The following GABBR2 variants were observed in gnomAD, a reference collection of about 807,000 sequenced individuals.
GABBR2 encodes G-protein coupled receptor 51.
Under a neutral mutation model 105.6 loss-of-function variants are expected in GABBR2, and 23 were observed. That is an observed-to-expected ratio of 0.22 (90% CI 0.16 to 0.31). GABBR2 has a LOEUF of 0.31. Ranked by LOEUF, GABBR2 falls within the 10% of genes least tolerant of loss-of-function variation. The probability of loss-of-function intolerance (pLI) is 1.00; values close to 1 mark genes in which losing one functional copy is unlikely to be tolerated. For synonymous variants in GABBR2, 478 were observed against 499.7 expected, an observed-to-expected ratio of 0.96 and a Z score of 0.58; for missense variants, 734 against 1,245.5, an observed-to-expected ratio of 0.59 and a Z score of 6.18.
At chr9:98,432,006 G>A (rs1362362956) in intron 7 of GABBR2, among the ~76,000 whole-genome samples, 2 of 150,890 alleles carry the variant, frequency 1.3e-5, no homozygotes, top group Non-Finnish European at 3.0e-5. Context: ...AGTGATTCTT[G>A]TGCCTCAGCC....
chr9:98,430,958 G>C (rs1186582871), intron 7 of GABBR2, among the ~76,000 whole-genome samples: 1 of 146,468 alleles, frequency 6.8e-6, no homozygotes, highest in Non-Finnish European at 1.5e-5. Context: ...TCTTTAACTT[G>C]TTTACAGCAG....
chr9:98,506,041 T>G (rs535005181), intron 3 of GABBR2, among the ~76,000 whole-genome samples: 1 of 152,266 alleles, frequency 6.6e-6, no homozygotes, highest in East Asian at 1.9e-4. Context: ...CCAGTTTCCC[T>G]CTATTTGATG....
chr9:98,321,037 A>G (rs972447467), intron 13 of GABBR2, among the ~76,000 whole-genome samples: 1 of 152,086 alleles, frequency 6.6e-6, no homozygotes, highest in Non-Finnish European at 1.5e-5. Context: ...GGGTAAGGGG[A>G]CCACTGGTGC....
intron 1 of GABBR2, among the ~76,000 whole-genome samples, chr9:98,663,916 T>C (rs918177541): frequency 1.3e-5 from 2 of 152,120 alleles, no homozygotes; most frequent in African/African-American, 2.4e-5. Flanking sequence ...ACAGTCTGAG[T>C]TGATACTGTA....
intron 1 of GABBR2, among the ~76,000 whole-genome samples, chr9:98,700,089 G>A (rs752531911): frequency 6.6e-6 from 1 of 152,158 alleles, no homozygotes; most frequent in Non-Finnish European, 1.5e-5. Context: ...CCCCTCCTGT[G>A]GCTGGGCTAT....
At chr9:98,572,912 G>A (rs1036762342) in intron 2 of GABBR2, among the ~76,000 whole-genome samples, 1 of 152,158 alleles carries the variant, frequency 6.6e-6, no homozygotes, top group African/African-American at 2.4e-5. Context: ...TCCAGCCCCA[G>A]TGTCTAGTAG....
intron 11 of GABBR2, among the ~76,000 whole-genome samples, chr9:98,380,613 G>A (rs1434214435): frequency 6.6e-6 from 1 of 152,226 alleles, no homozygotes; most frequent in East Asian, 1.9e-4. Context: ...TCCACTACCC[G>A]CACAGTGTCC....
At chr9:98,323,747 T>C (rs1027896114) in intron 13 of GABBR2, among the ~76,000 whole-genome samples, 4 of 152,222 alleles carry the variant, frequency 2.6e-5, no homozygotes, top group Non-Finnish European at 4.4e-5. Context: ...GTGTCTCTCA[T>C]CACCTTCTCA....
chr9:98,405,054 T>C (rs1370112561), intron 8 of GABBR2, among the ~76,000 whole-genome samples: 1 of 152,084 alleles, frequency 6.6e-6, no homozygotes, highest in East Asian at 1.9e-4. Flanking sequence ...TCCAAAAAAA[T>C]GCATACTGAA....
chr9:98,302,875 G>A (rs775983367), intron 16 of GABBR2: 13 of 233,024 alleles, frequency 5.6e-5, no homozygotes, highest in Non-Finnish European at 1.1e-4. Flanking sequence ...TGGTTGCTGG[G>A]TTGTGCTGGG....
chr9:98,648,118 TAGATAGATA>T (rs1212900236), intron 1 of GABBR2, among the ~76,000 whole-genome samples: 241 of 142,066 alleles, frequency 1.7e-3, no homozygotes, highest in Non-Finnish European at 3.0e-3. Flanking sequence ...TGTGTGTGTA[TAGATAGATA>T]GATAGATAGA....
Position 98,454,212 on chromosome 9 carries a change from T to C in GABBR2, c.1005A>G (p.Pro335=), listed in dbSNP as rs112301334. 9.9e-6 allele frequency: 16 copies of C among 1,609,626 alleles called. No individual in the cohort carries two copies. The South Asian group carries it at 1.2e-4, about 12-fold the overall frequency. ...KQIKTISGKT[P]QQYEREYNNK... ...TGTTGTACTCTCTCTCATACTGCTG[T>C]GGAGTCTGGAAAAACAGGGGATTGG... The change falls in exon 7 of 19, where the codon CCA becomes CCG. Residue 335 remains proline (P), a synonymous_variant. Transcript: ENST00000259455. This position sits in a 1 kb window ranked among gnomAD's most constrained non-coding sequence, Gnocchi z 4.6.
intron 1 of GABBR2, among the ~76,000 whole-genome samples, chr9:98,636,247 A>G (rs2131832404): frequency 6.6e-6 from 1 of 152,320 alleles, no homozygotes; most frequent in East Asian, 1.9e-4. Flanking sequence ...AAGAATTTTC[A>G]AAAAATTACC....
chr9:98,399,769 A>G (rs1832358028), intron 8 of GABBR2, among the ~76,000 whole-genome samples: 1 of 152,242 alleles, frequency 6.6e-6, no homozygotes, highest in Non-Finnish European at 1.5e-5. Flanking sequence ...TAGACAAGTG[A>G]CAGAATGGGA....
intron 2 of GABBR2, among the ~76,000 whole-genome samples, chr9:98,571,164 C>A (rs112241603): frequency 5.9e-4 from 90 of 152,318 alleles, no homozygotes; most frequent in Middle Eastern, 6.8e-3. Flanking sequence ...GACACCCAAG[C>A]TGCACCAGGA....
intron 9 of GABBR2, among the ~76,000 whole-genome samples, chr9:98,393,160 ATCC>A (rs1229021792): frequency 4.3e-3 from 25 of 5,870 alleles, no homozygotes; most frequent in African/African-American, 8.2e-3. Context: ...CCACCAACCC[ATCC>A]ATCCATCCAT....
intron 1 of GABBR2, among the ~76,000 whole-genome samples, chr9:98,626,482 G>A (rs1554722010): frequency 1.3e-5 from 2 of 152,144 alleles, no homozygotes; most frequent in Non-Finnish European, 2.9e-5. Flanking sequence ...TTAGCTAAAG[G>A]TGAAATCGTA....
chr9:98,566,364 C>T (rs1303131655), intron 2 of GABBR2, among the ~76,000 whole-genome samples: 5 of 152,116 alleles, frequency 3.3e-5, no homozygotes, highest in African/African-American at 9.7e-5. Flanking sequence ...TCATGAATTA[C>T]AGGAATGATG....
intron 13 of GABBR2, among the ~76,000 whole-genome samples, chr9:98,333,324 T>C (rs956612641): frequency 2.6e-5 from 4 of 152,228 alleles, no homozygotes; most frequent in Non-Finnish European, 4.4e-5. Flanking sequence ...TTTCTAGAGC[T>C]GTTGTAACAA....
Sources: allele counts gnomAD v4.1 joint callset (sites outside exome capture counted in the v4.1 genomes callset), GRCh38; gene constraint gnomAD v4.1.1; non-coding constraint Gnocchi (gnomAD v3.1); transcripts MANE v1.5; gene names NCBI Gene and HGNC (gene_info 2026-07-23, HGNC 2026-07-21).